Variants in CNTN4 observed in about 807,000 individuals in gnomAD.
CNTN4 encodes the protein contactin 4.
CNTN4 carries 77 observed loss-of-function variants against 122.5 expected under a neutral mutation model. The ratio of observed to expected loss-of-function variants is 0.63; its 90% confidence interval spans 0.52 to 0.76. CNTN4 has a LOEUF of 0.76. Ranked by LOEUF, CNTN4 falls within the 30% of genes least tolerant of loss-of-function variation. The pLI is 0.00. For synonymous variants in CNTN4, 512 were observed against 447.0 expected (o/e 1.15, Z -1.83); for missense variants, 1,256 against 1,259.1 (o/e 1.00, Z 0.04).
At chr3:2,801,768 C>T (rs890937852) in intron 6 of CNTN4, among the ~76,000 whole-genome samples, 3 of 133,860 alleles carry the variant, frequency 2.2e-5, no homozygotes, top group Non-Finnish European at 4.7e-5. Context: ...TGTAGTCTCC[C>T]CTGAAAGTGT....
intron 2 of CNTN4, among the ~76,000 whole-genome samples, chr3:2,136,819 G>A (rs1462608000): frequency 6.6e-6 from 1 of 152,124 alleles, no homozygotes; most frequent in Non-Finnish European, 1.5e-5. Context: ...TTAGTGTACT[G>A]TGGAAAGTCG....
chr3:2,954,030 C>T (rs1042252804), intron 13 of CNTN4, among the ~76,000 whole-genome samples: 3 of 152,184 alleles, frequency 2.0e-5, no homozygotes, highest in Non-Finnish European at 4.4e-5. Flanking sequence ...TGGAGTATTT[C>T]TGAATCATTA....
intron 6 of CNTN4, among the ~76,000 whole-genome samples, chr3:2,803,561 T>C (rs562024279): frequency 1.3e-5 from 2 of 150,186 alleles, no homozygotes; most frequent in South Asian, 4.2e-4. Flanking sequence ...GTAAATTCTT[T>C]TTTTTTTTTT....
chr3:2,941,415 G>A (rs1215518753), intron 13 of CNTN4, among the ~76,000 whole-genome samples: 3 of 152,130 alleles, frequency 2.0e-5, no homozygotes, highest in Non-Finnish European at 4.4e-5. Flanking sequence ...ACATTCTTCA[G>A]AAGGAACTCA....
intron 2 of CNTN4, among the ~76,000 whole-genome samples, chr3:2,130,437 C>A (rs2034396155): frequency 6.6e-6 from 1 of 152,108 alleles, no homozygotes; most frequent in Non-Finnish European, 1.5e-5. Flanking sequence ...AAGTATAAAA[C>A]CAATGGTATT....
chr3:2,334,317 C>G (rs182699722), intron 2 of CNTN4, among the ~76,000 whole-genome samples: 1 of 152,234 alleles, frequency 6.6e-6, no homozygotes, highest in Non-Finnish European at 1.5e-5. Flanking sequence ...GCTACCACAT[C>G]TAGCTAATTT....
At chr3:2,482,006 C>G (rs548696058) in intron 3 of CNTN4, among the ~76,000 whole-genome samples, 1 of 152,272 alleles carries the variant, frequency 6.6e-6, no homozygotes, top group South Asian at 2.1e-4. Context: ...TAAATTGGTA[C>G]TGCAGAGAGT....
rs540902893 is a variant in CNTN4, at chr3:2,848,718, A to G, written c.455-18034A>G. Among the ~76,000 whole-genome samples, 16 of 152,318 alleles carry G rather than the reference A, an allele frequency of 1.1e-4. No individual in the cohort carries two copies. In the East Asian group the frequency reaches 3.1e-3, roughly 29 times the overall value. Reference sequence around the variant, plus strand: ...CTCACTGCAAGGTAACTCAGCGGGAAGGAGAAAATGCTTCATTTCCAGTAA... The same window carrying G: ...CTCACTGCAAGGTAACTCAGCGGGAGGGAGAAAATGCTTCATTTCCAGTAA... On this transcript the variant is annotated intron_variant, in intron 7 of 24. Coordinates refer to ENST00000418658, the MANE Select transcript of CNTN4 (RefSeq NM_175607.3).
chr3:2,101,569 TG>T (rs1272451133), intron 2 of CNTN4, among the ~76,000 whole-genome samples: 1 of 152,210 alleles, frequency 6.6e-6, no homozygotes, highest in African/African-American at 2.4e-5. Context: ...TGTTCCTTTT[TG>T]TTCATTTTTC....
chr3:2,763,644 C>T (rs1329160491), intron 6 of CNTN4, among the ~76,000 whole-genome samples: 2 of 152,076 alleles, frequency 1.3e-5, no homozygotes, highest in African/African-American at 4.8e-5. Context: ...TTTTATCCTT[C>T]AGTTAATTTT....
At position 2,168,072 on chromosome 3, in the gene CNTN4, A is replaced by C. The variant is rs2727930; in HGVS notation, c.-145+67433A>C. 8.4e-3 allele frequency among the ~76,000 whole-genome samples: 1,269 copies of C among 151,864 alleles called. 18 individuals carry two copies. The highest frequency in any genetic ancestry group is 0.029 in the African/African-American group (1,196 of 41,394). On this transcript the variant is annotated intron_variant, in intron 2 of 24. Transcript: ENST00000418658. ...CGCTTGAGTCCAGGAGTTAAAGGTTATAGTAAGCTATGATGAGGCCATTGC... is the reference window on the plus strand; with the variant it reads ...CGCTTGAGTCCAGGAGTTAAAGGTTCTAGTAAGCTATGATGAGGCCATTGC...
chr3:2,791,913 G>C (rs970826), intron 6 of CNTN4, among the ~76,000 whole-genome samples: 9,060 of 152,010 alleles, frequency 0.06, 300 homozygotes, highest in Non-Finnish European at 0.07. Flanking sequence ...CTCACTCTTA[G>C]AAACCCTTGT....
chr3:2,478,126 A>T (rs1330408146), intron 3 of CNTN4, among the ~76,000 whole-genome samples: 1 of 152,214 alleles, frequency 6.6e-6, no homozygotes, highest in African/African-American at 2.4e-5. Context: ...AAAATAAAAT[A>T]GATGATGCGT....
At chr3:2,865,868 G>T (rs1454399918) in intron 7 of CNTN4, among the ~76,000 whole-genome samples, 1 of 152,128 alleles carries the variant, frequency 6.6e-6, no homozygotes, top group Non-Finnish European at 1.5e-5. Flanking sequence ...ACTTTCAAAG[G>T]AACATTTTTG....
chr3:2,233,666 C>T (rs964195359), intron 2 of CNTN4, among the ~76,000 whole-genome samples: 5 of 152,100 alleles, frequency 3.3e-5, no homozygotes, highest in Non-Finnish European at 5.9e-5. Flanking sequence ...CCAATTGAAC[C>T]GTTTAACAAA....
At chr3:2,553,104 A>T (rs1470200305) in intron 3 of CNTN4, among the ~76,000 whole-genome samples, 2 of 152,178 alleles carry the variant, frequency 1.3e-5, no homozygotes, top group Non-Finnish European at 2.9e-5. Context: ...GTAGATCACC[A>T]GGTTATTGAT....
chr3:2,820,743 G>A (rs973041978), intron 7 of CNTN4, among the ~76,000 whole-genome samples: 1 of 151,584 alleles, frequency 6.6e-6, no homozygotes, highest in Admixed American at 6.6e-5. Flanking sequence ...AAATTACAAG[G>A]GTTTTGGGAT....
intron 4 of CNTN4, among the ~76,000 whole-genome samples, chr3:2,681,080 TG>T (rs1490489316): frequency 6.6e-6 from 1 of 152,218 alleles, no homozygotes. Flanking sequence ...TAGACTCTAA[TG>T]GGGGTTGTGC....
At chr3:2,876,482 G>A (rs756954460) in intron 8 of CNTN4, among the ~76,000 whole-genome samples, 1 of 151,760 alleles carries the variant, frequency 6.6e-6, no homozygotes, top group African/African-American at 2.4e-5. Flanking sequence ...TTTTTCAGGA[G>A]AAAATCCCAC....
Sources: gnomAD v4.1 joint callset for allele counts (sites outside exome capture counted in the v4.1 genomes callset) on GRCh38, gnomAD v4.1.1 for gene constraint, MANE v1.5 for transcripts, NCBI Gene and HGNC (gene_info 2026-07-23, HGNC 2026-07-21) for gene names.